TLN2: variants seen among roughly 807,000 people sequenced by gnomAD.
TLN2 encodes the protein talin 2.
A neutral mutation model predicts 294.7 loss-of-function variants in TLN2; 118 were observed. That is an observed-to-expected ratio of 0.40 (90% CI 0.34 to 0.47). TLN2 has a LOEUF of 0.47. TLN2 is among the 20% of genes least tolerant of loss of function. The pLI, the probability that TLN2 is intolerant of heterozygous loss-of-function variation, is 0.84. For synonymous variants in TLN2, 1,431 were observed against 1,304.5 expected (o/e 1.10, Z -2.09); for missense variants, 3,083 against 3,282.2 (o/e 0.94, Z 1.48).
At chr15:62,652,904 G>T (rs1445608928) in intron 6 of TLN2, among the ~76,000 whole-genome samples, 1 of 152,040 alleles carries the variant, frequency 6.6e-6, no homozygotes, top group Non-Finnish European at 1.5e-5. Context: ...GGAAATCAGA[G>T]TCTGATTTTT....
rs200781214 is a variant in TLN2 at position 62,686,630 on chromosome 15, T to C, written c.958-11T>C. 574 of 1,608,346 alleles carry C rather than the reference T, an allele frequency of 3.6e-4. 1 individual carries two copies. The East Asian group carries it at 5.3e-3, about 15-fold the overall frequency. On this transcript the variant is annotated splice_polypyrimidine_tract_variant and intron_variant, in intron 11 of 58. Transcript: ENST00000636159. Reference sequence around the variant, plus strand: ...AAGAAGAGCACTGACTCTTGGTATCTCCTGTTTCAGGAGAAGATGAAAGGC... The same window carrying C: ...AAGAAGAGCACTGACTCTTGGTATCCCCTGTTTCAGGAGAAGATGAAAGGC...
chr15:62,554,597 T>C (rs920409766), intron 1 of TLN2, among the ~76,000 whole-genome samples: 34 of 152,048 alleles, frequency 2.2e-4, no homozygotes, highest in African/African-American at 8.2e-4. Context: ...TAGGATTACC[T>C]GTTTACTGCT....
intron 1 of TLN2, among the ~76,000 whole-genome samples, chr15:62,512,203 T>C (rs956742842): frequency 6.6e-6 from 1 of 152,232 alleles, no homozygotes; most frequent in African/African-American, 2.4e-5. Flanking sequence ...CATCTTTTTG[T>C]GTGGTTTGGA....
chr15:62,392,457 G>C (rs558049152), intron 1 of TLN2, among the ~76,000 whole-genome samples: 75 of 152,308 alleles, frequency 4.9e-4, no homozygotes, highest in African/African-American at 1.5e-3. Context: ...GGTGTGTTAA[G>C]CTGTGGCATT....
intron 11 of TLN2, among the ~76,000 whole-genome samples, chr15:62,681,222 T>C (rs764493294): frequency 2.0e-5 from 3 of 152,210 alleles, no homozygotes; most frequent in Non-Finnish European, 4.4e-5. Context: ...AACAGATTTC[T>C]CAAGCCCTAA....
chr15:62,621,833 A>G (rs1270781331), intron 3 of TLN2, among the ~76,000 whole-genome samples: 1 of 152,224 alleles, frequency 6.6e-6, no homozygotes, highest in Non-Finnish European at 1.5e-5. Context: ...AGGAATGGCA[A>G]AATGTGGGAG....
At chr15:62,450,756 A>G (rs942347661) in intron 1 of TLN2, among the ~76,000 whole-genome samples, 8 of 152,012 alleles carry the variant, frequency 5.3e-5, no homozygotes, top group African/African-American at 1.9e-4. Context: ...AATTTTTTAG[A>G]GATGAGATCT....
chr15:62,760,188 T>C (rs1358113474), intron 37 of TLN2, among the ~76,000 whole-genome samples: 1 of 152,162 alleles, frequency 6.6e-6, no homozygotes, highest in African/African-American at 2.4e-5. Context: ...GGGAAGGGCA[T>C]GAGCCAAGGC....
At position 62,741,748 on chromosome 15, in the gene TLN2, C is replaced by CGCATGTGTGTGTGTGTGTGTGTGT; in HGVS notation, c.4025+980_4025+981insCATGTGTGTGTGTGTGTGTGTGTG. Among the ~76,000 whole-genome samples, 6 of 131,164 alleles carry CGCATGTGTGTGTGTGTGTGTGTGT rather than the reference C, an allele frequency of 4.6e-5. No homozygotes were observed. In the Admixed American group the frequency reaches 4.6e-4, roughly 10 times the overall value. The allele number at this position is 131,164 out of a possible 152,430, so 86.0% of individuals were successfully genotyped here. ...TTAACTTGGTTTTTTAAAATTTGCG[C>CGCATGTGTGTGTGTGTGTGTGTGT]GTGTGTGTGTGTGTGTGTGTCTTTA... On this transcript the variant is annotated intron_variant, in intron 32 of 58. Transcript: ENST00000636159.
chr15:62,437,905 A>C lies in TLN2; in HGVS notation c.-238+47220A>C, dbSNP rs1406595530. Among the ~76,000 whole-genome samples, 4 of 152,302 alleles carry C rather than the reference A, an allele frequency of 2.6e-5. No homozygotes were observed. In the East Asian group the frequency reaches 7.7e-4, roughly 29 times the overall value. On this transcript the variant is annotated intron_variant, in intron 1 of 58. Transcript: ENST00000636159. ...CATAGTCATGAATCATTTATGCAAC[A>C]ACTGGCAATGCAACGGATTGATTTA...
chr15:62,673,310 C>CTTTTGTTTTTTTTTTT (rs2055685241), intron 9 of TLN2, among the ~76,000 whole-genome samples: 1 of 42,856 alleles, frequency 2.3e-5, no homozygotes, highest in Admixed American at 4.8e-4. Flanking sequence ...TTAGATGTTG[C>CTTTTGTTTTTTTTTTT]TTTTTTTTTT....
rs558291115 is a variant in TLN2, at chr15:62,819,862, C to T, written c.6877+241C>T. Among the ~76,000 whole-genome samples, 7 of 152,358 alleles carry T rather than the reference C, an allele frequency of 4.6e-5. No homozygotes were observed. The East Asian group carries it at 1.3e-3, about 29-fold the overall frequency. On this transcript the variant is annotated intron_variant, in intron 53 of 58. Transcript: ENST00000636159. ...AGTGCTTCTACTTAAATGGTATCCT[C>T]CACCTAGAACCTACTCACTTTCCTT... is the stretch of plus-strand genomic sequence containing the variant.
chr15:62,701,138 C>T lies in TLN2; in HGVS notation c.1620C>T (p.Asp540=), dbSNP rs139848057. 9.9e-6 allele frequency: 16 copies of T among 1,614,002 alleles called. No individual in the cohort carries two copies. Among genetic ancestry groups the T allele is most frequent in the African/African-American group, 4.0e-5 (3 of 74,980 alleles). The change falls in exon 17 of 59, where the codon GAC becomes GAT. Residue 540 remains aspartate, a synonymous_variant. Transcript: ENST00000636159. The part of the protein sequence containing the change: ...ASRVWVQNKV[D]ESKHEIHSQV... ...GGGTATGGGTTCAGAACAAAGTCGACGAATCCAAACACGAAATCCATTCTC... is the reference window on the plus strand; with the variant it reads ...GGGTATGGGTTCAGAACAAAGTCGATGAATCCAAACACGAAATCCATTCTC...
At chr15:62,505,839 C>T (rs772951207) in intron 1 of TLN2, among the ~76,000 whole-genome samples, 27 of 151,950 alleles carry the variant, frequency 1.8e-4, no homozygotes, top group Non-Finnish European at 3.1e-4. Context: ...GGGGGGCGGA[C>T]GGGGAAGGGG....
At chr15:62,450,136 C>T (rs1046057144) in intron 1 of TLN2, among the ~76,000 whole-genome samples, 5 of 152,128 alleles carry the variant, frequency 3.3e-5, no homozygotes, top group African/African-American at 9.7e-5. Flanking sequence ...GCTTCCAGGC[C>T]GGCCTCTCAG....
chr15:62,816,949 TCACCCA>T (rs1251732350), intron 52 of TLN2, among the ~76,000 whole-genome samples: 3 of 152,118 alleles, frequency 2.0e-5, no homozygotes, highest in Non-Finnish European at 4.4e-5. Flanking sequence ...GCCACATGAG[TCACCCA>T]GGGAACTTAA....
At position 62,840,610 on chromosome 15, in the gene TLN2, A is replaced by G. The variant is rs561801441; in HGVS notation, c.7629A>G (p.Ter2543=). Residue 2543 remains the stop codon, a stop_retained_variant, in exon 59 of 59, where the codon TAA becomes TAG. Transcript: ENST00000636159. ...CCGAGCTGAGGGAAGATGAGGGCTA[A>G]AGGTGCGAGCCCAGATGGCGAGCCC... ...LPTELREDEG[*] is the part of the protein sequence containing the mutation. 55 of 1,613,862 alleles carry G rather than the reference A, an allele frequency of 3.4e-5. No homozygotes were observed. The Middle Eastern group carries it at 5.0e-4, about 15-fold the overall frequency.
chr15:62,771,053 G>A lies in TLN2; in HGVS notation c.5286G>A (p.Thr1762=), dbSNP rs370017508. ...TTCTTGATCATCAGCAGCAGATGAC[G>A]GTGCTGGACCAGACCAAGACTCTCG... ...SKILDHQQQM[T]VLDQTKTLAE... is the part of the protein sequence containing the mutation. The change falls in exon 42 of 59, where the codon ACG becomes ACA. Residue 1762 remains threonine, a synonymous_variant. Coordinates refer to ENST00000636159, the MANE Select transcript of TLN2 (RefSeq NM_015059.3). 1.9e-5 allele frequency: 30 copies of A among 1,613,338 alleles called. No homozygotes were observed. The highest frequency in any genetic ancestry group is 1.6e-4 in the Middle Eastern group (1 of 6,068).
At chr15:62,487,116 C>T (rs1178368413) in intron 1 of TLN2, among the ~76,000 whole-genome samples, 1 of 152,186 alleles carries the variant, frequency 6.6e-6, no homozygotes, top group Non-Finnish European at 1.5e-5. Context: ...AAAGTCTCCT[C>T]CTAGCACATT....
Sources: gnomAD v4.1 joint callset for allele counts (sites outside exome capture counted in the v4.1 genomes callset) on GRCh38, gnomAD v4.1.1 for gene constraint, MANE v1.5 for transcripts, NCBI Gene and HGNC (gene_info 2026-07-23, HGNC 2026-07-21) for gene names.